KDM3B: variants seen among roughly 807,000 people sequenced by gnomAD.
The protein encoded by KDM3B is lysine demethylase 3B.
In KDM3B, 10 loss-of-function variants were observed where a neutral mutation model predicts 170.0. The ratio of observed to expected loss-of-function variants is 0.06; its 90% confidence interval spans 0.04 to 0.10. KDM3B has a LOEUF of 0.10. KDM3B is among the 10% of genes least tolerant of loss of function. The pLI is 1.00. For synonymous variants in KDM3B, 831 were observed against 834.8 expected, an observed-to-expected ratio of 1.00 and a Z score of 0.08; for missense variants, 1,394 against 2,195.2, an observed-to-expected ratio of 0.64 and a Z score of 7.29.
chr5:138,385,520 T>C (rs1038045736), intron 6 of KDM3B, among the ~76,000 whole-genome samples: 29 of 152,256 alleles, frequency 1.9e-4, no homozygotes, highest in African/African-American at 6.3e-4. Flanking sequence ...CGTGAGCCAC[T>C]GTGCCCAGCC....
In KDM3B at chr5:138,375,127, G is replaced by T; in HGVS notation, c.395G>T (p.Gly132Val). 1 of 1,613,388 alleles carries T rather than the reference G, an allele frequency of 6.2e-7. No homozygotes were observed. The highest frequency in any genetic ancestry group is 8.5e-7 in the Non-Finnish European group (1 of 1,179,424). ...CCCCTTGTAGATAAACTGGGTTTGG[G>T]TTCTGTGGTTCCAGTGGAATATCTT... ...FTPLVDKLGLGSVVPVEYLLD... is the reference protein window; with the variant it reads ...FTPLVDKLGLVSVVPVEYLLD... The change falls in exon 3 of 24, where the codon GGT (glycine) becomes GTT (valine). Residue 132 changes from glycine to valine, a missense_variant. By Grantham distance (109) the Gly-to-Val change is moderately radical. Coordinates refer to ENST00000314358, the MANE Select transcript of KDM3B (RefSeq NM_016604.4).
intron 23 of KDM3B, among the ~76,000 whole-genome samples, chr5:138,433,936 C>T (rs1763604737): frequency 1.3e-5 from 2 of 151,950 alleles, no homozygotes; most frequent in Admixed American, 6.6e-5. Context: ...GACAGGGTTT[C>T]ACCATGTTGG....
intron 11 of KDM3B, among the ~76,000 whole-genome samples, chr5:138,413,459 AGGAAT>A (rs1474485519): frequency 6.6e-6 from 1 of 152,160 alleles, no homozygotes; most frequent in Non-Finnish European, 1.5e-5. Context: ...TATTGCTGGT[AGGAAT>A]GCAGATTGGT....
intron 13 of KDM3B, among the ~76,000 whole-genome samples, chr5:138,418,267 A>G (rs939017655): frequency 2.6e-5 from 4 of 151,810 alleles, no homozygotes; most frequent in African/African-American, 7.3e-5. Flanking sequence ...TGTAGTAGAG[A>G]CAGGGTTTCA....
chr5:138,352,864 AGCCTCGGCCTCG>A lies in KDM3B; in HGVS notation c.72_83del (p.Ser25_Ala28del). The A allele has an allele frequency of 7.3e-7, 1 of 1,375,590 alleles. No homozygotes were observed. The highest frequency in any genetic ancestry group is 9.4e-7 in the Non-Finnish European group (1 of 1,061,344). The allele number at this position is 1,375,590 out of a possible 1,614,324, so 85.2% of individuals were successfully genotyped here. ...TGCTGTTCGCGGACACTGCGGCCTC[AGCCTCGGCCTCG>A]GCTCCCGCGGCGGCAGCGGCGAGCG... On this transcript the variant is annotated inframe_deletion, in exon 1 of 24. Transcript: ENST00000314358.
intron 1 of KDM3B, among the ~76,000 whole-genome samples, chr5:138,355,043 T>C (rs1761416751): frequency 6.6e-6 from 1 of 152,222 alleles, no homozygotes. Flanking sequence ...CTTTGGACCG[T>C]AGGCATGTGG....
chr5:138,357,167 T>C (rs1455024738), intron 1 of KDM3B, among the ~76,000 whole-genome samples: 1 of 151,768 alleles, frequency 6.6e-6, no homozygotes, highest in Non-Finnish European at 1.5e-5. Flanking sequence ...TTGTATTTGT[T>C]GTAGAGATGG....
intron 1 of KDM3B, among the ~76,000 whole-genome samples, chr5:138,354,782 T>G (rs1043191033): frequency 6.6e-6 from 1 of 152,244 alleles, no homozygotes; most frequent in African/African-American, 2.4e-5. Context: ...TGTTGAGGTC[T>G]TGCATAGGGC....
chr5:138,431,618 C>T (rs571038670), intron 23 of KDM3B, 59 bp downstream of exon 23: 106 of 1,382,268 alleles, frequency 7.7e-5, no homozygotes, highest in Non-Finnish European at 9.6e-5. Flanking sequence ...ACATACATTA[C>T]GCAGAAAGCA....
At chr5:138,410,093 AAAAAGAAAAG>A (rs10630854) in intron 11 of KDM3B, among the ~76,000 whole-genome samples, 3 of 150,808 alleles carry the variant, frequency 2.0e-5, no homozygotes, top group Non-Finnish European at 2.9e-5. Context: ...CTTAAAAGAA[AAAAAGAAAAG>A]AAAAGAAAAG....
chr5:138,352,740 G>A lies in KDM3B; in HGVS notation c.-56G>A. On this transcript the variant is annotated 5_prime_UTR_variant, in exon 1 of 24. Coordinates refer to ENST00000314358, the MANE Select transcript of KDM3B (RefSeq NM_016604.4). ...GCCTTGCGGGCGGATCGGGCGCTTG[G>A]CGGCGGAGGTGGTGGGAGGCGGCGG... The A allele has an allele frequency of 1.7e-6, 2 of 1,184,998 alleles. No individual in the cohort carries two copies. The highest frequency in any genetic ancestry group is 3.9e-5 in the South Asian group (1 of 25,788). 73.4% of individuals were successfully genotyped at this position (1,184,998 alleles called of 1,614,324 possible).
intron 8 of KDM3B, 56 bp downstream of exon 8, chr5:138,392,317 G>T: frequency 2.1e-6 from 3 of 1,434,292 alleles, no homozygotes; most frequent in Non-Finnish European, 1.8e-6. Flanking sequence ...TCAAATGCCT[G>T]TCGTGTTCTT....
intron 23 of KDM3B, among the ~76,000 whole-genome samples, chr5:138,433,409 GT>G (rs370681826): frequency 0.03 from 3,735 of 126,480 alleles, 57 homozygotes; most frequent in South Asian, 0.11. Context: ...CACTGCGGCT[GT>G]TTTTTTTTTT....
At position 138,391,483 on chromosome 5, in the gene KDM3B, T is replaced by C. The variant is rs1348600991; in HGVS notation, c.1851T>C (p.Asn617=). 6.2e-7 allele frequency: 1 copy of C among 1,613,954 alleles called. No individual in the cohort carries two copies. Among genetic ancestry groups the C allele is most frequent in the African/African-American group, 1.3e-5 (1 of 74,880 alleles). Residue 617 remains asparagine, a synonymous_variant, in exon 8 of 24, where the codon AAT becomes AAC. Transcript: ENST00000314358. This position sits in a 1 kb window ranked among gnomAD's most constrained non-coding sequence, Gnocchi z 5.0. Reference sequence around the variant, plus strand: ...TCCTAAATGCCCGTACCCCAGAGAATCATGAAAATCTATTTTTACAGCCCC... The same window carrying C: ...TCCTAAATGCCCGTACCCCAGAGAACCATGAAAATCTATTTTTACAGCCCC... ...RSLLNARTPE[N]HENLFLQPPK...
chr5:138,432,715 T>G lies in KDM3B; in HGVS notation c.5205+1156T>G, dbSNP rs552652219. On this transcript the variant is annotated intron_variant, in intron 23 of 23. Transcript: ENST00000314358. ...AGCAGAATTCTCTAGGCTTTCACTG[T>G]GGCCTCTTTTCTTCTGGCATGCCTG... Among the ~76,000 whole-genome samples the G allele has an allele frequency of 8.5e-5, 13 of 152,312 alleles. No individual in the cohort carries two copies. The South Asian group carries it at 2.7e-3, about 32-fold the overall frequency.
intron 20 of KDM3B, among the ~76,000 whole-genome samples, chr5:138,429,208 T>C (rs1463107352): frequency 2.0e-5 from 3 of 152,066 alleles, no homozygotes; most frequent in Non-Finnish European, 2.9e-5. Flanking sequence ...TGTGCCACCA[T>C]ACTCGGCTAA....
At chr5:138,386,748 T>C in intron 7 of KDM3B, 127 bp downstream of exon 7, 1 of 1,283,658 alleles carries the variant, frequency 7.8e-7, no homozygotes. Context: ...TAAATTATAC[T>C]CTGTGGAAGG....
At position 138,358,208 on chromosome 5, in the gene KDM3B, C is replaced by G. The variant is rs527735405; in HGVS notation, c.192+5221C>G. Among the ~76,000 whole-genome samples, 54 of 151,946 alleles carry G rather than the reference C, an allele frequency of 3.6e-4. 1 individual carries two copies. Among genetic ancestry groups the G allele is most frequent in the Admixed American group, 2.6e-3 (39 of 15,246 alleles). ...ATGTTGGCCAGGCTGATCTCGAACT[C>G]CTGACCTTAGGTGATCTGCCTGCCT... On this transcript the variant is annotated intron_variant, in intron 1 of 23. Coordinates refer to ENST00000314358, the MANE Select transcript of KDM3B (RefSeq NM_016604.4).
intron 11 of KDM3B, among the ~76,000 whole-genome samples, chr5:138,400,294 G>T (rs186615866): frequency 1.3e-5 from 2 of 152,006 alleles, no homozygotes; most frequent in African/African-American, 4.8e-5. Flanking sequence ...GAGCGCAGCG[G>T]CACAATCATG....
Sources: gnomAD v4.1 joint callset for allele counts (sites outside exome capture counted in the v4.1 genomes callset) on GRCh38, gnomAD v4.1.1 for gene constraint, Gnocchi (gnomAD v3.1) non-coding constraint, MANE v1.5 for transcripts, NCBI Gene and HGNC (gene_info 2026-07-23, HGNC 2026-07-21) for gene names.